AATK: variants seen among roughly 807,000 people sequenced by gnomAD.
AATK encodes serine/threonine-protein kinase LMTK1.
AATK carries 91 observed loss-of-function variants against 114.3 expected under a neutral mutation model. The observed-to-expected ratio is 0.80, with a 90% CI of 0.67 to 0.95. The LOEUF is 0.95. Among genes scored for constraint, AATK ranks in the 40% least tolerant of loss-of-function variants. The probability of loss-of-function intolerance (pLI) is 0.00; values close to 1 mark genes in which losing one functional copy is unlikely to be tolerated. For missense variants in AATK, 2,176 were observed against 1,965.2 expected (o/e 1.11, Z -2.03); for synonymous variants, 1,075 against 916.5 (o/e 1.17, Z -3.12).
rs1598914180 is a variant in AATK, at chr17:81,125,064, GTGC to G, written c.756-53_756-51del. The stretch of plus-strand genomic sequence containing the variant: ...GCAGGGTGAGCAGGGTGAGCAGGGT[GTGC>G]CGGGTGGGGGCAGGGGGAGGGTCAG... On this transcript the variant is annotated intron_variant, in intron 7 of 13. Transcript: ENST00000326724. The G allele has an allele frequency of 9.4e-6, 12 of 1,270,412 alleles. No homozygotes were observed. In the East Asian group the frequency reaches 3.1e-4, roughly 33 times the overall value. The allele number at this position is 1,270,412 out of a possible 1,614,324, so 78.7% of individuals were successfully genotyped here. A position where few individuals can be genotyped will look rare whatever the true frequency, so the allele number is the denominator to read the frequency against.
intron 1 of AATK, among the ~76,000 whole-genome samples, chr17:81,157,665 C>T (rs1030657099): frequency 1.6e-4 from 25 of 152,248 alleles, no homozygotes; most frequent in Non-Finnish European, 1.5e-5. Context: ...ACACACAGCC[C>T]AGGCCCAGCC....
chr17:81,151,434 C>T (rs937398061), intron 1 of AATK, among the ~76,000 whole-genome samples: 6 of 151,938 alleles, frequency 3.9e-5, no homozygotes, highest in Non-Finnish European at 5.9e-5. Flanking sequence ...TGGCCGGGGA[C>T]GCGTGCACAC....
intron 1 of AATK, among the ~76,000 whole-genome samples, chr17:81,153,278 G>A (rs2174649): frequency 6.6e-6 from 1 of 152,034 alleles, no homozygotes; most frequent in Admixed American, 6.5e-5. Flanking sequence ...ATTTGAAGAT[G>A]TGGTGGACTT....
rs1358847743 is a variant in AATK at position 81,122,661 on chromosome 17, C to CCCCACGCCG, written c.1266_1274dup (p.Gly423_Gly425dup). On this transcript the variant is annotated inframe_insertion, in exon 11 of 14. Transcript: ENST00000326724. Reference sequence around the variant, plus strand: ...TGGGCCCCGCCGCACCGGGCCCGGGCCCCACGCCGCCCCCGCCGGGCCGCA... The same window carrying CCCCACGCCG: ...TGGGCCCCGCCGCACCGGGCCCGGGCCCCACGCCGCCCACGCCGCCCCCGCCGGGCCGCA... 4 of 1,499,832 alleles carry CCCCACGCCG rather than the reference C, an allele frequency of 2.7e-6. No homozygotes were observed. The African/African-American group carries it at 5.8e-5, about 22-fold the overall frequency. 92.9% of individuals were successfully genotyped at this position (1,499,832 alleles called of 1,614,324 possible). A position where few individuals can be genotyped will look rare whatever the true frequency, so the allele number is the denominator to read the frequency against.
In AATK at chr17:81,127,669, C is replaced by A; in HGVS notation, c.535G>T (p.Ala179Ser). 2 of 1,583,648 alleles carry A rather than the reference C, an allele frequency of 1.3e-6. No individual in the cohort carries two copies. Among genetic ancestry groups the A allele is most frequent in the Non-Finnish European group, 1.7e-6 (2 of 1,165,448 alleles). Residue 179 changes from alanine (A) to serine (S), a missense_variant and splice_region_variant, in exon 6 of 14, where the codon GCC (alanine) becomes TCC (serine). Physicochemically the swap from Ala to Ser is moderately conservative, Grantham distance 99. This residue lies in a region of AATK where 273 missense variants were observed against 344.1 expected (regional missense o/e 0.79). Coordinates refer to ENST00000326724, the MANE Select transcript of AATK (RefSeq NM_001080395.3). ...QFLEEVQPYR[A>S]LKHSNLLQCL... ...TGGAGCAGGTTGCTGTGCTTCAGGG[C>A]CCTGCGGGAGTGGACAGGCGGCCCC...
chr17:81,150,873 C>T (rs1426776023), intron 1 of AATK, among the ~76,000 whole-genome samples: 1 of 152,202 alleles, frequency 6.6e-6, no homozygotes, highest in African/African-American at 2.4e-5. Flanking sequence ...AAGGAACTGG[C>T]GCAACCCTGG....
At chr17:81,141,430 G>A (rs1249418400) in intron 1 of AATK, among the ~76,000 whole-genome samples, 2 of 152,202 alleles carry the variant, frequency 1.3e-5, no homozygotes, top group East Asian at 1.9e-4. Flanking sequence ...CAGTCTGGGC[G>A]ACAGAGACTC....
At chr17:81,162,126 A>G (rs536766336) in intron 1 of AATK, among the ~76,000 whole-genome samples, 1 of 151,126 alleles carries the variant, frequency 6.6e-6, no homozygotes, top group Non-Finnish European at 1.5e-5. Flanking sequence ...GCCCGCACCC[A>G]TGCTGGTAGG....
chr17:81,163,949 G>A lies in AATK; in HGVS notation c.55+1989C>T, dbSNP rs147365434. ...CAAGCCAACTGCCAGAGCCACAAGC[G>A]TGGGCCCCTCCCCTCTGGGTGCCCC... On this transcript the variant is annotated intron_variant, in intron 1 of 13. Transcript: ENST00000326724. 6.3e-3 allele frequency among the ~76,000 whole-genome samples: 953 copies of A among 152,342 alleles called. 6 individuals carry two copies. Among genetic ancestry groups the A allele is most frequent in the African/African-American group, 0.022 (915 of 41,584 alleles).
Position 81,126,894 on chromosome 17 carries a change from G to A in AATK, c.622-334C>T, listed in dbSNP as rs1245216861. The A allele has an allele frequency of 1.8e-6, 2 of 1,133,426 alleles. No homozygotes were observed. Among genetic ancestry groups the A allele is most frequent in the Admixed American group, 4.2e-5 (1 of 23,540 alleles). The allele number at this position is 1,133,426 out of a possible 1,614,324, so 70.2% of individuals were successfully genotyped here. ...TGGGGCTGGTGGTCGAGGGTTGGCC[G>A]GCAGCCCCTGACCTGCCGAAAGCCC... On this transcript the variant is annotated intron_variant, in intron 6 of 13. Coordinates refer to ENST00000326724, the MANE Select transcript of AATK (RefSeq NM_001080395.3). This position sits in a 1 kb window ranked among gnomAD's most constrained non-coding sequence, Gnocchi z 5.1.
intron 9 of AATK, among the ~76,000 whole-genome samples, chr17:81,123,798 A>G (rs1568223827): frequency 6.6e-6 from 1 of 152,094 alleles, no homozygotes; most frequent in Non-Finnish European, 1.5e-5. Flanking sequence ...GGGCTGGGTA[A>G]CAGGCAGGGG....
At chr17:81,162,078 C>T (rs960338652) in intron 1 of AATK, among the ~76,000 whole-genome samples, 6 of 152,006 alleles carry the variant, frequency 3.9e-5, no homozygotes, top group Non-Finnish European at 7.4e-5. Context: ...TCACACCCAC[C>T]CCCTCCCCGA....
Position 81,122,644 on chromosome 17 carries a change from G to GCCGCACCGGGCCCGGGCCCCA in AATK, c.1271_1291dup (p.Val424_Ala430dup). On this transcript the variant is annotated inframe_insertion, in exon 11 of 14. Coordinates refer to ENST00000326724, the MANE Select transcript of AATK (RefSeq NM_001080395.3). ...CACCACGCCGCCCAGCATGGGCCCC[G>GCCGCACCGGGCCCGGGCCCCA]CCGCACCGGGCCCGGGCCCCACGCC... 2.1e-6 allele frequency: 3 copies of GCCGCACCGGGCCCGGGCCCCA among 1,458,378 alleles called. No individual in the cohort carries two copies. Among genetic ancestry groups the GCCGCACCGGGCCCGGGCCCCA allele is most frequent in the Middle Eastern group, 3.7e-4 (2 of 5,422 alleles). The allele number at this position is 1,458,378 out of a possible 1,614,324, so 90.3% of individuals were successfully genotyped here.
At chr17:81,139,812 G>A (rs1044720346) in intron 1 of AATK, among the ~76,000 whole-genome samples, 10 of 152,322 alleles carry the variant, frequency 6.6e-5, no homozygotes, top group African/African-American at 2.2e-4. Flanking sequence ...GTGCCTATGT[G>A]AGCCTGCAGT....
intron 11 of AATK, 44 bp downstream of exon 11, chr17:81,120,157 C>A (rs1388372178): frequency 1.3e-6 from 2 of 1,521,128 alleles, no homozygotes; most frequent in Admixed American, 4.3e-5. Flanking sequence ...CCTGCGGGAG[C>A]GCGACCCCCA....
rs930516275 is a variant in AATK at position 81,118,262 on chromosome 17, C to T, written c.*140G>A. 1.2e-6 allele frequency: 1 copy of T among 815,124 alleles called. No individual in the cohort carries two copies. Among genetic ancestry groups the T allele is most frequent in the African/African-American group, 1.7e-5 (1 of 58,194 alleles). The allele number at this position is 815,124 out of a possible 1,614,324, so 50.5% of individuals were successfully genotyped here. ...TCTCATCCCACGGGCTTCTCCAGGA[C>T]ACCGCGTGGGGCAGAGGCACCTGAA... On this transcript the variant is annotated 3_prime_UTR_variant, in exon 14 of 14. Transcript: ENST00000326724.
intron 2 of AATK, among the ~76,000 whole-genome samples, chr17:81,131,567 C>A (rs1485660734): frequency 6.6e-6 from 1 of 152,150 alleles, no homozygotes; most frequent in Non-Finnish European, 1.5e-5. Flanking sequence ...CCCTGGCGGG[C>A]AGCCCAGGCT....
At chr17:81,135,536 C>G (rs572616333) in intron 1 of AATK, among the ~76,000 whole-genome samples, 1 of 152,192 alleles carries the variant, frequency 6.6e-6, no homozygotes, top group Non-Finnish European at 1.5e-5. Flanking sequence ...CCCCTCAACA[C>G]CCCATCTCCT....
chr17:81,128,699 A>G, intron 3 of AATK, 150 bp from the exon 4 acceptor site: 1 of 1,461,380 alleles, frequency 6.8e-7, no homozygotes, highest in Middle Eastern at 2.5e-4. Flanking sequence ...GGCCACCATC[A>G]GGAGCCAGGG....
Sources: gnomAD v4.1 joint callset for allele counts (sites outside exome capture counted in the v4.1 genomes callset) on GRCh38, gnomAD v4.1.1 for gene constraint, gnomAD v4.1.1 regional missense constraint, Gnocchi (gnomAD v3.1) non-coding constraint, MANE v1.5 for transcripts, NCBI Gene and HGNC (gene_info 2026-07-23, HGNC 2026-07-21) for gene names.